The following GALNT17 variants were observed in gnomAD, a reference collection of about 807,000 sequenced individuals.
GALNT17 encodes the protein UDP-GalNAc:polypeptide N-acetylgalactosaminyltransferase-like 3.
Under a neutral mutation model 63.7 loss-of-function variants are expected in GALNT17, and 29 were observed. The observed-to-expected ratio is 0.46, with a 90% CI of 0.34 to 0.62. The LOEUF (loss-of-function observed/expected upper bound fraction) is 0.62, where lower values mean the gene tolerates loss of function less well. Ranked by LOEUF, GALNT17 falls within the 20% of genes least tolerant of loss-of-function variation. GALNT17 has a pLI of 0.01. For missense variants in GALNT17, 603 were observed against 799.6 expected (o/e 0.75, Z 2.97); for synonymous variants, 305 against 318.3 (o/e 0.96, Z 0.45).
At chr7:71,261,797 C>T (rs139259057) in intron 1 of GALNT17, among the ~76,000 whole-genome samples, 12 of 152,284 alleles carry the variant, frequency 7.9e-5, no homozygotes, top group African/African-American at 1.4e-4. Context: ...GCTTTTTGCA[C>T]GTGTACTTCA....
intron 1 of GALNT17, among the ~76,000 whole-genome samples, chr7:71,330,362 T>A (rs1791787328): frequency 6.6e-6 from 1 of 151,646 alleles, no homozygotes; most frequent in Non-Finnish European, 1.5e-5. Context: ...CACTTAGTTA[T>A]TTTTTTTCCA....
At chr7:71,513,750 G>A (rs548975546) in intron 5 of GALNT17, among the ~76,000 whole-genome samples, 8 of 152,104 alleles carry the variant, frequency 5.3e-5, no homozygotes, top group African/African-American at 1.9e-4. Context: ...GAAAAAGTAT[G>A]TAGGAAAATT....
chr7:71,491,196 G>GA (rs1306783605), intron 5 of GALNT17, among the ~76,000 whole-genome samples: 1 of 151,766 alleles, frequency 6.6e-6, no homozygotes, highest in Non-Finnish European at 1.5e-5. Flanking sequence ...ATCCGTCTCA[G>GA]AAAAAAACAA....
At chr7:71,307,265 A>G (rs1202225361) in intron 1 of GALNT17, among the ~76,000 whole-genome samples, 1 of 152,104 alleles carries the variant, frequency 6.6e-6, no homozygotes, top group Non-Finnish European at 1.5e-5. Flanking sequence ...GCCGTGCACA[A>G]GGTACCACTT....
chr7:71,296,876 G>A (rs1403721779), intron 1 of GALNT17, among the ~76,000 whole-genome samples: 1 of 152,114 alleles, frequency 6.6e-6, no homozygotes, highest in East Asian at 1.9e-4. Flanking sequence ...TTTCGCTGCT[G>A]TGTCATTGAT....
intron 5 of GALNT17, among the ~76,000 whole-genome samples, chr7:71,554,693 C>G (rs1789134194): frequency 6.6e-6 from 1 of 152,160 alleles, no homozygotes; most frequent in Non-Finnish European, 1.5e-5. Context: ...AGCAAAACAT[C>G]CATCTCTTTG....
At chr7:71,141,532 TGAA>T (rs1432316485) in intron 1 of GALNT17, among the ~76,000 whole-genome samples, 3 of 152,122 alleles carry the variant, frequency 2.0e-5, no homozygotes, top group Non-Finnish European at 4.4e-5. Flanking sequence ...AGCATAAGCA[TGAA>T]ACCCAACACA....
chr7:71,318,508 C>T (rs569941065), intron 1 of GALNT17, among the ~76,000 whole-genome samples: 195 of 151,338 alleles, frequency 1.3e-3, no homozygotes, highest in African/African-American at 4.6e-3. Flanking sequence ...CCACCACTGC[C>T]TCCTGGGTTC....
At chr7:71,370,133 A>G (rs975764725) in intron 2 of GALNT17, among the ~76,000 whole-genome samples, 13 of 152,194 alleles carry the variant, frequency 8.5e-5, no homozygotes, top group Admixed American at 7.2e-4. Context: ...CCTGTATGGC[A>G]TTGTCATCAT....
chr7:71,352,572 G>A (rs902172851), intron 2 of GALNT17, among the ~76,000 whole-genome samples: 1 of 152,164 alleles, frequency 6.6e-6, no homozygotes, highest in Admixed American at 6.5e-5. Context: ...TATATTGGGA[G>A]ATATCAAATA....
At chr7:71,585,357 A>G (rs1181108310) in intron 6 of GALNT17, among the ~76,000 whole-genome samples, 1 of 152,166 alleles carries the variant, frequency 6.6e-6, no homozygotes, top group Non-Finnish European at 1.5e-5. Flanking sequence ...ATCACTGCCT[A>G]CACCCATTAA....
intron 1 of GALNT17, among the ~76,000 whole-genome samples, chr7:71,321,867 T>TTCCCTCCC (rs1272306510): frequency 4.3e-5 from 2 of 46,834 alleles, no homozygotes; most frequent in African/African-American, 1.5e-4. Context: ...CCTTCCTTCC[T>TTCCCTCCC]TTCCTTCCTT....
At chr7:71,463,984 C>T (rs745397538) in intron 5 of GALNT17, among the ~76,000 whole-genome samples, 3 of 152,174 alleles carry the variant, frequency 2.0e-5, no homozygotes, top group Non-Finnish European at 4.4e-5. Context: ...CCTGGGAATG[C>T]AGCCAGTAGG....
At chr7:71,650,926 C>T (rs1790745062) in intron 6 of GALNT17, among the ~76,000 whole-genome samples, 1 of 152,054 alleles carries the variant, frequency 6.6e-6, no homozygotes, top group African/African-American at 2.4e-5. Flanking sequence ...ATCTTTATAC[C>T]CCTGGCAGCG....
chr7:71,146,902 G>C (rs1034534107), intron 1 of GALNT17, among the ~76,000 whole-genome samples: 7 of 152,164 alleles, frequency 4.6e-5, no homozygotes, highest in Non-Finnish European at 8.8e-5. Context: ...ATGGGGAACA[G>C]GGTTCCAGAA....
At chr7:71,211,874 A>C (rs147858754) in intron 1 of GALNT17, among the ~76,000 whole-genome samples, 2,329 of 152,342 alleles carry the variant, frequency 0.015, 86 homozygotes, top group East Asian at 0.096. Flanking sequence ...GCAGCAAAGC[A>C]TTCAAGACAT....
At chr7:71,148,333 G>C (rs1461647248) in intron 1 of GALNT17, among the ~76,000 whole-genome samples, 1 of 152,132 alleles carries the variant, frequency 6.6e-6, no homozygotes, top group Non-Finnish European at 1.5e-5. Context: ...TTTGTACCAG[G>C]TAGGGATTCC....
chr7:71,448,796 T>G (rs951445542), intron 5 of GALNT17, among the ~76,000 whole-genome samples: 20 of 152,316 alleles, frequency 1.3e-4, no homozygotes, highest in Admixed American at 1.3e-3. Context: ...GTTGTATACA[T>G]TAACTATGTA....
chr7:71,233,755 G>C (rs983413727), intron 1 of GALNT17, among the ~76,000 whole-genome samples: 1 of 152,098 alleles, frequency 6.6e-6, no homozygotes, highest in African/African-American at 2.4e-5. Context: ...GAGCACACAT[G>C]TATTAGTCCA....
Sources: allele counts gnomAD v4.1 joint callset (sites outside exome capture counted in the v4.1 genomes callset), GRCh38; gene constraint gnomAD v4.1.1; transcripts MANE v1.5; gene names NCBI Gene and HGNC (gene_info 2026-07-23, HGNC 2026-07-21).